LRP1B: variants seen among roughly 807,000 people sequenced by gnomAD.
LRP1B encodes low-density lipoprotein receptor-related protein 1B.
In LRP1B, 217 loss-of-function variants were observed where a neutral mutation model predicts 556.6. The observed-to-expected ratio is 0.39, with a 90% confidence interval of 0.35 to 0.44. The LOEUF (loss-of-function observed/expected upper bound fraction) is 0.44, where lower values mean the gene tolerates loss of function less well. Ranked by LOEUF, LRP1B falls within the 20% of genes least tolerant of loss-of-function variation. LRP1B has a pLI of 1.00. For missense variants in LRP1B, 5,053 were observed against 5,620.8 expected, an observed-to-expected ratio of 0.90 and a Z score of 3.23; for synonymous variants, 2,047 against 1,865.8, an observed-to-expected ratio of 1.10 and a Z score of -2.50.
chr2:141,547,687 T>C (rs186620067), intron 2 of LRP1B, among the ~76,000 whole-genome samples: 5 of 152,298 alleles, frequency 3.3e-5, no homozygotes, highest in Admixed American at 1.3e-4. Flanking sequence ...GCATGCTTTT[T>C]CTCATCTCCT....
At chr2:140,909,076 G>A (rs908911939) in intron 21 of LRP1B, among the ~76,000 whole-genome samples, 1 of 152,308 alleles carries the variant, frequency 6.6e-6, no homozygotes, top group East Asian at 1.9e-4. Context: ...GGGATTACAG[G>A]CATGAGCCAC....
chr2:141,959,530 T>C (rs1402839924), intron 1 of LRP1B, among the ~76,000 whole-genome samples: 1 of 151,946 alleles, frequency 6.6e-6, no homozygotes, highest in African/African-American at 2.4e-5. Flanking sequence ...AAGAATTCTA[T>C]TGAATCAAAA....
chr2:140,390,768 T>TCACACACACACA lies in LRP1B; in HGVS notation c.10415-4771_10415-4760dup, dbSNP rs70985096. Among the ~76,000 whole-genome samples, 371 of 143,778 alleles carry TCACACACACACA rather than the reference T, an allele frequency of 2.6e-3. 1 individual carries two copies. The highest frequency in any genetic ancestry group is 8.1e-3 in the African/African-American group (314 of 39,000). The allele number at this position is 143,778 out of a possible 152,430, so 94.3% of individuals were successfully genotyped here. ...TTGGCAAAACACTTGAATAGAAACT[T>TCACACACACACA]CACACACACACACACACACACACAC... is the stretch of plus-strand genomic sequence containing the variant. On this transcript the variant is annotated intron_variant, in intron 66 of 90. Coordinates refer to ENST00000389484, the MANE Select transcript of LRP1B (RefSeq NM_018557.3).
rs113004001 is a variant in LRP1B, at chr2:141,428,413, AT to A, written c.343+51982del. On this transcript the variant is annotated intron_variant, in intron 3 of 90. Transcript: ENST00000389484. ...ACATGTACCCTAGAACTTTAAGTAT[AT>A]TTAAAAAAAAATCTAATGCTAAGCT... Among the ~76,000 whole-genome samples, 17 of 151,994 alleles carry A rather than the reference AT, an allele frequency of 1.1e-4. No homozygotes were observed. In the East Asian group the frequency reaches 1.5e-3, roughly 14 times the overall value.
intron 2 of LRP1B, among the ~76,000 whole-genome samples, chr2:141,799,768 T>G (rs1252196130): frequency 1.3e-5 from 2 of 151,988 alleles, no homozygotes; most frequent in Non-Finnish European, 2.9e-5. Flanking sequence ...ATCCAGAAAC[T>G]TCACTGTTAC....
At chr2:141,910,997 C>G (rs965789673) in intron 1 of LRP1B, among the ~76,000 whole-genome samples, 7 of 151,772 alleles carry the variant, frequency 4.6e-5, no homozygotes, top group African/African-American at 1.7e-4. Flanking sequence ...AAAAATTCAC[C>G]ACACACACAC....
At chr2:141,166,498 A>G (rs1468589506) in intron 7 of LRP1B, among the ~76,000 whole-genome samples, 1 of 151,718 alleles carries the variant, frequency 6.6e-6, no homozygotes, top group Non-Finnish European at 1.5e-5. Context: ...TGGGGTATCC[A>G]TCACTTCAAG....
intron 83 of LRP1B, among the ~76,000 whole-genome samples, chr2:140,314,325 G>T (rs1222242734): frequency 6.6e-6 from 1 of 151,970 alleles, no homozygotes; most frequent in Non-Finnish European, 1.5e-5. Context: ...CAAGTCAGTA[G>T]AAGAATATGT....
chr2:141,951,942 C>T (rs989124930), intron 1 of LRP1B, among the ~76,000 whole-genome samples: 2 of 151,610 alleles, frequency 1.3e-5, no homozygotes, highest in Non-Finnish European at 2.9e-5. Flanking sequence ...GTGCTGCACC[C>T]ATTAACTCAT....
intron 35 of LRP1B, among the ~76,000 whole-genome samples, chr2:140,744,865 C>T (rs1162606779): frequency 2.0e-5 from 3 of 152,048 alleles, no homozygotes; most frequent in Non-Finnish European, 4.4e-5. Context: ...AGAGATTTTG[C>T]CAATTTTTTT....
intron 2 of LRP1B, among the ~76,000 whole-genome samples, chr2:141,756,189 A>G (rs1296862734): frequency 6.6e-6 from 1 of 152,062 alleles, no homozygotes; most frequent in Admixed American, 6.6e-5. Flanking sequence ...TGTTTCCACA[A>G]ATGTCAAGTG....
intron 7 of LRP1B, among the ~76,000 whole-genome samples, chr2:141,150,634 A>G (rs1024071518): frequency 2.0e-5 from 3 of 152,144 alleles, no homozygotes; most frequent in East Asian, 1.9e-4. Context: ...AGCATTTTTC[A>G]TGTGAAAAAA....
chr2:142,018,324 T>A (rs986775542), intron 1 of LRP1B, among the ~76,000 whole-genome samples: 2 of 152,164 alleles, frequency 1.3e-5, no homozygotes, highest in Admixed American at 1.3e-4. Context: ...TGGAAATGAA[T>A]AACCAAAAGT....
At chr2:141,168,485 C>T (rs890033054) in intron 7 of LRP1B, among the ~76,000 whole-genome samples, 2 of 151,998 alleles carry the variant, frequency 1.3e-5, no homozygotes, top group Admixed American at 6.6e-5. Context: ...AATAATCACA[C>T]TCAATCACTA....
intron 50 of LRP1B, among the ~76,000 whole-genome samples, chr2:140,516,642 C>T (rs950366918): frequency 1.3e-5 from 2 of 151,944 alleles, no homozygotes; most frequent in African/African-American, 4.8e-5. Flanking sequence ...ATATTATAAA[C>T]TGATGGAAGT....
intron 7 of LRP1B, among the ~76,000 whole-genome samples, chr2:141,101,132 A>G (rs537030060): frequency 6.6e-6 from 1 of 152,236 alleles, no homozygotes; most frequent in Non-Finnish European, 1.5e-5. Context: ...CTCAAAAATC[A>G]CCAGAAGAAA....
At chr2:141,601,036 C>T (rs1345588074) in intron 2 of LRP1B, among the ~76,000 whole-genome samples, 1 of 152,170 alleles carries the variant, frequency 6.6e-6, no homozygotes, top group Non-Finnish European at 1.5e-5. Context: ...TATCCTCCTT[C>T]CTTAAATATG....
At chr2:141,813,756 G>A (rs750628341) in intron 1 of LRP1B, among the ~76,000 whole-genome samples, 11 of 152,098 alleles carry the variant, frequency 7.2e-5, no homozygotes, top group Non-Finnish European at 1.6e-4. Context: ...ACAGCTCTTT[G>A]CTTCTGCCAT....
chr2:140,717,195 C>A (rs1032507430), intron 35 of LRP1B, among the ~76,000 whole-genome samples: 1 of 151,930 alleles, frequency 6.6e-6, no homozygotes, highest in Non-Finnish European at 1.5e-5. Flanking sequence ...ACAGCTATAC[C>A]TATGTCTGAA....
Sources: gnomAD v4.1 joint callset for allele counts (sites outside exome capture counted in the v4.1 genomes callset) on GRCh38, gnomAD v4.1.1 for gene constraint, MANE v1.5 for transcripts, NCBI Gene and HGNC (gene_info 2026-07-23, HGNC 2026-07-21) for gene names.